Variants in STK24 observed in about 807,000 individuals in gnomAD.
STK24 encodes the protein serine/threonine-protein kinase 24.
Under a neutral mutation model 55.6 loss-of-function variants are expected in STK24, and 21 were observed. The ratio of observed to expected loss-of-function variants is 0.38; its 90% confidence interval spans 0.27 to 0.54. The LOEUF (loss-of-function observed/expected upper bound fraction) is 0.54. Ranked by LOEUF, STK24 falls within the 20% of genes least tolerant of loss-of-function variation. The probability of loss-of-function intolerance (pLI) is 0.79; values close to 1 mark genes in which losing one functional copy is unlikely to be tolerated. For missense variants in STK24, 383 were observed against 538.4 expected (o/e 0.71, Z 2.86); for synonymous variants, 200 against 215.2 (o/e 0.93, Z 0.62).
chr13:98,536,429 A>G (rs141610370), intron 1 of STK24, among the ~76,000 whole-genome samples: 1 of 152,048 alleles, frequency 6.6e-6, no homozygotes, highest in African/African-American at 2.4e-5. Context: ...CAGTGGCACA[A>G]TCATGGCTCA....
intron 1 of STK24, among the ~76,000 whole-genome samples, chr13:98,569,300 G>C (rs995702216): frequency 6.8e-6 from 1 of 147,422 alleles, no homozygotes; most frequent in Non-Finnish European, 1.5e-5. Context: ...TGAGGGAGAA[G>C]AAAAAAAATT....
intron 2 of STK24, among the ~76,000 whole-genome samples, chr13:98,507,062 GGC>G (rs2139357425): frequency 6.6e-6 from 1 of 152,356 alleles, no homozygotes; most frequent in African/African-American, 2.4e-5. Context: ...TGTGCAGCTG[GGC>G]GGGAGAGCCA....
chr13:98,482,340 A>T lies in STK24; in HGVS notation c.274-19T>A. 6.8e-7 allele frequency: 1 copy of T among 1,460,540 alleles called. No homozygotes were observed. The highest frequency in any genetic ancestry group is 9.4e-7 in the Non-Finnish European group (1 of 1,068,142). 90.5% of individuals were successfully genotyped at this position (1,460,540 alleles called of 1,614,324 possible). On this transcript the variant is annotated intron_variant, in intron 2 of 10. Coordinates refer to ENST00000539966, the MANE Select transcript of STK24 (RefSeq NM_001032296.4). Reference sequence around the variant, plus strand: ...TTGTATCCTATAAAACAAAAAAAAGAAGAGAATCATTTTCAAAATGAATCC... The same window carrying T: ...TTGTATCCTATAAAACAAAAAAAAGTAGAGAATCATTTTCAAAATGAATCC...
At chr13:98,509,145 T>C (rs761658063) in intron 2 of STK24, among the ~76,000 whole-genome samples, 12 of 152,174 alleles carry the variant, frequency 7.9e-5, no homozygotes, top group Non-Finnish European at 1.5e-4. Context: ...CATTAAACTA[T>C]AGAAAACTTC....
chr13:98,550,114 G>C (rs1278919776), intron 1 of STK24, among the ~76,000 whole-genome samples: 2 of 152,194 alleles, frequency 1.3e-5, no homozygotes, highest in Admixed American at 6.5e-5. Flanking sequence ...GCTTCCCTTT[G>C]ATGACTCAAT....
intron 3 of STK24, among the ~76,000 whole-genome samples, chr13:98,476,976 G>A (rs867931653): frequency 3.3e-5 from 5 of 152,326 alleles, no homozygotes; most frequent in Middle Eastern, 3.4e-3. Context: ...CATATGCTCA[G>A]AGAAGGTCAA....
At chr13:98,525,240 G>A (rs1896391680) in intron 1 of STK24, among the ~76,000 whole-genome samples, 1 of 152,234 alleles carries the variant, frequency 6.6e-6, no homozygotes, top group African/African-American at 2.4e-5. Context: ...CAGCCTTCTT[G>A]ATAATTTCCT....
chr13:98,540,056 C>A (rs911283995), intron 1 of STK24, among the ~76,000 whole-genome samples: 4 of 152,226 alleles, frequency 2.6e-5, no homozygotes, highest in African/African-American at 9.6e-5. Flanking sequence ...GAACAACAGA[C>A]ACAAGCTGCG....
chr13:98,534,824 T>C (rs1896667894), intron 1 of STK24, among the ~76,000 whole-genome samples: 2 of 152,200 alleles, frequency 1.3e-5, no homozygotes, highest in African/African-American at 4.8e-5. Flanking sequence ...CACCAAATTA[T>C]CCTTAAAAAT....
intron 1 of STK24, chr13:98,542,717 TG>T: frequency 2.0e-6 from 1 of 503,986 alleles, no homozygotes; most frequent in Non-Finnish European, 2.6e-6. Flanking sequence ...CCCTTGTTCC[TG>T]GAGTGAAAGT....
chr13:98,474,710 C>G, intron 5 of STK24, 111 bp downstream of exon 5: 4 of 1,379,538 alleles, frequency 2.9e-6, no homozygotes, highest in Non-Finnish European at 3.9e-6. Context: ...TTATGACCTA[C>G]CTCAAGGTAC....
chr13:98,494,928 C>T (rs1325735083), intron 2 of STK24, among the ~76,000 whole-genome samples: 1 of 152,138 alleles, frequency 6.6e-6, no homozygotes, highest in African/African-American at 2.4e-5. Context: ...TGCTCCTCGC[C>T]GCATCCAGCA....
chr13:98,482,539 G>A (rs1894633386), intron 2 of STK24, among the ~76,000 whole-genome samples: 1 of 152,126 alleles, frequency 6.6e-6, no homozygotes, highest in Non-Finnish European at 1.5e-5. Context: ...GGTGTGCTCG[G>A]GGGCCCGCAC....
rs571543657 is a variant in STK24 at position 98,448,116 on chromosome 13, A to G, written c.*5057T>C. On this transcript the variant is annotated 3_prime_UTR_variant, in exon 11 of 11. Coordinates refer to ENST00000539966, the MANE Select transcript of STK24 (RefSeq NM_001032296.4). ...GGCTGTTCCCTTGCTCTTCTGCTGAAGTGGCAGATTACCAACCAGGCGGCC... is the reference window on the plus strand; with the variant it reads ...GGCTGTTCCCTTGCTCTTCTGCTGAGGTGGCAGATTACCAACCAGGCGGCC... The G allele has an allele frequency of 8.8e-6, 7 of 793,672 alleles. No individual in the cohort carries two copies. Among genetic ancestry groups the G allele is most frequent in the Admixed American group, 1.9e-5 (1 of 51,946 alleles). The allele number at this position is 793,672 out of a possible 1,614,324, so 49.2% of individuals were successfully genotyped here. A position where few individuals can be genotyped will look rare whatever the true frequency, so the allele number is the denominator to read the frequency against.
intron 1 of STK24, among the ~76,000 whole-genome samples, chr13:98,549,592 C>A (rs1401355297): frequency 6.6e-6 from 1 of 152,152 alleles, no homozygotes; most frequent in Non-Finnish European, 1.5e-5. Flanking sequence ...TCTCTCTCCA[C>A]TGCTCCCACT....
chr13:98,544,417 A>T (rs1027458922), intron 1 of STK24, among the ~76,000 whole-genome samples: 1 of 152,244 alleles, frequency 6.6e-6, no homozygotes, highest in Non-Finnish European at 1.5e-5. Context: ...GGCCCCAGGC[A>T]ACTGGGCCCT....
In STK24 at chr13:98,473,944, A is replaced by T. The variant is rs150931407; in HGVS notation, c.597+877T>A. Among the ~76,000 whole-genome samples, 1,334 of 152,346 alleles carry T rather than the reference A, an allele frequency of 8.8e-3. 8 individuals carry two copies. Among genetic ancestry groups the T allele is most frequent in the Middle Eastern group, 0.048 (14 of 294 alleles). ...GGTACTGGGAAGATTTCTGTTTAAA[A>T]GCAGCAGCAAGGTTCGGCCTATATG... On this transcript the variant is annotated intron_variant, in intron 5 of 10. Coordinates refer to ENST00000539966, the MANE Select transcript of STK24 (RefSeq NM_001032296.4).
At chr13:98,483,301 G>C (rs914152853) in intron 2 of STK24, among the ~76,000 whole-genome samples, 1 of 152,142 alleles carries the variant, frequency 6.6e-6, no homozygotes, top group African/African-American at 2.4e-5. Flanking sequence ...GGACGCCACC[G>C]CCAGAGTTTG....
chr13:98,535,370 A>AATAT (rs71111959), intron 1 of STK24, among the ~76,000 whole-genome samples: 5 of 55,896 alleles, frequency 8.9e-5, no homozygotes, highest in East Asian at 4.2e-4. Context: ...ACAAAAAAAA[A>AATAT]ATATATATAT....
Sources: allele counts gnomAD v4.1 joint callset (sites outside exome capture counted in the v4.1 genomes callset), GRCh38; gene constraint gnomAD v4.1.1; transcripts MANE v1.5; gene names NCBI Gene and HGNC (gene_info 2026-07-23, HGNC 2026-07-21).